AKR1C8: variants seen among roughly 807,000 people sequenced by gnomAD.
AKR1C8 encodes the protein aldo-keto reductase family 1 member C8.
chr10:5,126,156 G>A, the AKR1C8 span, among the ~76,000 whole-genome samples: 2 of 152,082 alleles, frequency 1.3e-5, no homozygotes, highest in African/African-American at 2.4e-5. Context: ...TTGGAGAAGG[G>A]GTCTTCTTTC....
chr10:5,133,532 C>T, the AKR1C8 span, among the ~76,000 whole-genome samples: 1 of 152,178 alleles, frequency 6.6e-6, no homozygotes, highest in Non-Finnish European at 1.5e-5. Flanking sequence ...TCCAGCATCA[C>T]ATTTTGAGAA....
the AKR1C8 span, among the ~76,000 whole-genome samples, chr10:5,175,467 T>TTA: frequency 6.6e-6 from 1 of 152,140 alleles, no homozygotes; most frequent in Non-Finnish European, 1.5e-5. Flanking sequence ...GCAGCATGAT[T>TTA]TATAGTCCTT....
At chr10:5,172,868 CAGA>C in the AKR1C8 span, among the ~76,000 whole-genome samples, 1 of 151,976 alleles carries the variant, frequency 6.6e-6, no homozygotes, top group Admixed American at 6.6e-5. Context: ...GACAGACAAC[CAGA>C]AGAAGATCTA....
the AKR1C8 span, among the ~76,000 whole-genome samples, chr10:5,138,305 G>A: frequency 7.2e-5 from 11 of 152,092 alleles, no homozygotes; most frequent in African/African-American, 2.4e-4. Context: ...TCCCTTCCCA[G>A]GGTATTAATA....
the AKR1C8 span, among the ~76,000 whole-genome samples, chr10:5,177,172 GA>G: frequency 2.0e-5 from 3 of 152,128 alleles, no homozygotes; most frequent in Non-Finnish European, 2.9e-5. Context: ...GATTTATTGA[GA>G]GTTTTTAGCA....
At chr10:5,139,670 A>C in the AKR1C8 span, among the ~76,000 whole-genome samples, 1 of 152,222 alleles carries the variant, frequency 6.6e-6, no homozygotes, top group African/African-American at 2.4e-5. Flanking sequence ...TTAAAGACTT[A>C]AATGTTAGAC....
At chr10:5,150,495 G>C in the AKR1C8 span, among the ~76,000 whole-genome samples, 1 of 151,914 alleles carries the variant, frequency 6.6e-6, no homozygotes, top group African/African-American at 2.4e-5. Flanking sequence ...CTCAAAGAAA[G>C]TTAAACACTA....
chr10:5,121,392 C>T, the AKR1C8 span, among the ~76,000 whole-genome samples: 6 of 152,164 alleles, frequency 3.9e-5, no homozygotes, highest in African/African-American at 1.4e-4. Flanking sequence ...TAGGGGACAC[C>T]TCAGTCACTA....
At chr10:5,138,968 A>G in the AKR1C8 span, among the ~76,000 whole-genome samples, 2 of 152,210 alleles carry the variant, frequency 1.3e-5, no homozygotes, top group Admixed American at 6.6e-5. Context: ...AAGTCTCAGG[A>G]TACAAAATCA....
chr10:5,184,451 A>G, the AKR1C8 span, among the ~76,000 whole-genome samples: 2 of 152,146 alleles, frequency 1.3e-5, no homozygotes, highest in African/African-American at 4.8e-5. Context: ...ATATAGCAAA[A>G]AGTTTGGATG....
chr10:5,177,048 C>G, the AKR1C8 span, among the ~76,000 whole-genome samples: 2 of 151,968 alleles, frequency 1.3e-5, no homozygotes, highest in Non-Finnish European at 2.9e-5. Flanking sequence ...GCATCCCTGT[C>G]TTGTGCCAGT....
At chr10:5,177,428 G>T in the AKR1C8 span, among the ~76,000 whole-genome samples, 1 of 152,090 alleles carries the variant, frequency 6.6e-6, no homozygotes, top group South Asian at 2.1e-4. Flanking sequence ...AAGGATATTG[G>T]TCTAAAATTC....
chr10:5,136,559 C>T, the AKR1C8 span, among the ~76,000 whole-genome samples: 5 of 152,242 alleles, frequency 3.3e-5, no homozygotes, highest in South Asian at 1.0e-3. Context: ...GAATCCACAC[C>T]AATATCTGTT....
At chr10:5,131,219 A>T in the AKR1C8 span, among the ~76,000 whole-genome samples, 1 of 152,122 alleles carries the variant, frequency 6.6e-6, no homozygotes, top group African/African-American at 2.4e-5. Flanking sequence ...CTGAAACCAT[A>T]AAAATTCTAG....
chr10:5,147,479 TACA>T, the AKR1C8 span, among the ~76,000 whole-genome samples: 2 of 151,978 alleles, frequency 1.3e-5, no homozygotes, highest in African/African-American at 4.8e-5. Flanking sequence ...GCTTTTGAAG[TACA>T]ACATCGTTAT....
chr10:5,125,611 C>A, the AKR1C8 span, among the ~76,000 whole-genome samples: 1 of 152,312 alleles, frequency 6.6e-6, no homozygotes, highest in Non-Finnish European at 1.5e-5. Flanking sequence ...GTAATCTCAG[C>A]TGTCCCTGTT....
At chr10:5,161,282 ATCAGTGTGTT>A in the AKR1C8 span, among the ~76,000 whole-genome samples, 1 of 152,154 alleles carries the variant, frequency 6.6e-6, no homozygotes, top group Non-Finnish European at 1.5e-5. Flanking sequence ...ATAGCTATTC[ATCAGTGTGTT>A]TAGCCCCAGT....
the AKR1C8 span, chr10:5,122,150 C>T: frequency 2.5e-6 from 1 of 398,888 alleles, no homozygotes; most frequent in Middle Eastern, 7.8e-4. Flanking sequence ...CCTCTGGAGT[C>T]AACTCAAAGT....
chr10:5,169,510 A>T, the AKR1C8 span, among the ~76,000 whole-genome samples: 1 of 147,784 alleles, frequency 6.8e-6, no homozygotes, highest in South Asian at 2.1e-4. Flanking sequence ...AGTGTTTCTT[A>T]TTAGGCCTGA....
Sources: gnomAD v4.1 joint callset for allele counts (sites outside exome capture counted in the v4.1 genomes callset) on GRCh38, gnomAD v4.1.1 for gene constraint, MANE v1.5 for transcripts, NCBI Gene and HGNC (gene_info 2026-07-23, HGNC 2026-07-21) for gene names.